The following DENND4A variants were observed in gnomAD, a reference collection of about 807,000 sequenced individuals.
DENND4A encodes the protein DENN domain containing 4A, also known as C-myc promoter-binding protein.
Under a neutral mutation model 199.3 loss-of-function variants are expected in DENND4A, and 70 were observed. That is an observed-to-expected ratio of 0.35 (90% CI 0.29 to 0.43). DENND4A has a LOEUF of 0.43. Ranked by LOEUF, DENND4A falls within the 20% of genes least tolerant of loss-of-function variation. DENND4A has a pLI of 1.00. For missense variants in DENND4A, 1,723 were observed against 2,255.8 expected (o/e 0.76, Z 4.78); for synonymous variants, 686 against 766.9 (o/e 0.89, Z 1.74).
intron 12 of DENND4A, among the ~76,000 whole-genome samples, chr15:65,722,358 C>T (rs2075673186): frequency 6.6e-6 from 1 of 152,012 alleles, no homozygotes; most frequent in Non-Finnish European, 1.5e-5. Context: ...GTCCCAGCTA[C>T]TCAAGAGGCT....
chr15:65,661,764 TGAA>T lies in DENND4A; in HGVS notation c.*84_*86del, dbSNP rs1250173629. The T allele has an allele frequency of 4.2e-6, 5 of 1,203,990 alleles. No individual in the cohort carries two copies. The African/African-American group carries it at 7.7e-5, about 18-fold the overall frequency. 74.6% of individuals were successfully genotyped at this position (1,203,990 alleles called of 1,614,324 possible). A position where few individuals can be genotyped will look rare whatever the true frequency, so the allele number is the denominator to read the frequency against. ...ATTTACAAATTGTATTTTCAAAAAT[TGAA>T]GAAAAAATATTTAGAGTCTAAAAGT... On this transcript the variant is annotated 3_prime_UTR_variant, in exon 33 of 33. Coordinates refer to ENST00000443035, the MANE Select transcript of DENND4A (RefSeq NM_001320835.1).
At chr15:65,779,623 C>T (rs914943875) in intron 1 of DENND4A, among the ~76,000 whole-genome samples, 1 of 150,698 alleles carries the variant, frequency 6.6e-6, no homozygotes, top group Non-Finnish European at 1.5e-5. Flanking sequence ...TACAGGGGAA[C>T]ACTACCATGC....
Position 65,726,105 on chromosome 15 carries a change from G to A in DENND4A, c.1487+2967C>T, listed in dbSNP as rs1238213817. 3.9e-5 allele frequency: 6 copies of A among 151,980 alleles called. No individual in the cohort carries two copies. In the East Asian group the frequency reaches 1.2e-3, roughly 29 times the overall value. The allele number at this position is 151,980 out of a possible 1,614,324, so 9.4% of individuals were successfully genotyped here. On this transcript the variant is annotated intron_variant, in intron 11 of 32. Coordinates refer to ENST00000443035, the MANE Select transcript of DENND4A (RefSeq NM_001320835.1). ...AGAGCTCAGACCTCAGCAACTTCAAGAAAGAAAGAAAAAATAGTAAGTAGG... is the reference window on the plus strand; with the variant it reads ...AGAGCTCAGACCTCAGCAACTTCAAAAAAGAAAGAAAAAATAGTAAGTAGG...
At chr15:65,765,398 C>T (rs2076958155) in intron 1 of DENND4A, among the ~76,000 whole-genome samples, 1 of 152,174 alleles carries the variant, frequency 6.6e-6, no homozygotes, top group South Asian at 2.1e-4. Context: ...TTAACACAGA[C>T]TTCTTTAAAT....
chr15:65,778,452 T>TAAAA (rs565036538), intron 1 of DENND4A, among the ~76,000 whole-genome samples: 28 of 89,650 alleles, frequency 3.1e-4, no homozygotes, highest in African/African-American at 1.0e-3. Context: ...TACAGTGACC[T>TAAAA]AAAAAAAAAA....
Position 65,717,929 on chromosome 15 carries a change from T to C in DENND4A, c.1656A>G (p.Gly552=). 1 of 1,609,860 alleles carries C rather than the reference T, an allele frequency of 6.2e-7. No individual in the cohort carries two copies. The highest frequency in any genetic ancestry group is 1.1e-5 in the South Asian group (1 of 90,180). ...LAINDYDFNS[G]KRLHMIDLEI... ...CCAAATCTATCATGTGCAACCTCTT[T>C]CCAGAATTAAAATCATAGTCATTTA... The change falls in exon 13 of 33, where the codon GGA becomes GGG. Residue 552 remains glycine, a synonymous_variant. Transcript: ENST00000443035.
chr15:65,725,136 T>G (rs1403660580), intron 11 of DENND4A, among the ~76,000 whole-genome samples: 1 of 152,232 alleles, frequency 6.6e-6, no homozygotes, highest in Non-Finnish European at 1.5e-5. Context: ...TATGATCATC[T>G]TCTTATAAAA....
chr15:65,745,656 A>G (rs1367882559), intron 4 of DENND4A, among the ~76,000 whole-genome samples: 1 of 152,196 alleles, frequency 6.6e-6, no homozygotes, highest in East Asian at 1.9e-4. Context: ...CTACTTCCCA[A>G]TAAATCCAAT....
At chr15:65,665,213 G>C (rs2075995833) in intron 30 of DENND4A, 132 bp downstream of exon 30, 3 of 622,856 alleles carry the variant, frequency 4.8e-6, no homozygotes, top group African/African-American at 3.8e-5. Flanking sequence ...AAACAAAAGA[G>C]TACGACTTTG....
At chr15:65,686,862 A>C (rs1180980170) in intron 23 of DENND4A, among the ~76,000 whole-genome samples, 1 of 151,610 alleles carries the variant, frequency 6.6e-6, no homozygotes, top group Admixed American at 6.6e-5. Context: ...CAGCTAGTTA[A>C]AATTAAAAAA....
At chr15:65,725,395 G>C (rs530593376) in intron 11 of DENND4A, among the ~76,000 whole-genome samples, 1 of 152,084 alleles carries the variant, frequency 6.6e-6, no homozygotes, top group African/African-American at 2.4e-5. Context: ...GAACTACCTC[G>C]GCTGGGCGCG....
chr15:65,731,840 T>G (rs941345862), intron 8 of DENND4A, 140 bp from the exon 9 acceptor site: 1 of 575,868 alleles, frequency 1.7e-6, no homozygotes, highest in African/African-American at 1.9e-5. Flanking sequence ...ACACTTTGTA[T>G]CACTCACTAA....
At chr15:65,759,606 C>T (rs144479504) in intron 2 of DENND4A, among the ~76,000 whole-genome samples, 1 of 152,270 alleles carries the variant, frequency 6.6e-6, no homozygotes, top group African/African-American at 2.4e-5. Context: ...AAGGGCTTAA[C>T]CTTTTCAGAA....
intron 3 of DENND4A, among the ~76,000 whole-genome samples, chr15:65,755,792 T>C (rs544097905): frequency 2.0e-5 from 3 of 152,264 alleles, no homozygotes; most frequent in African/African-American, 7.2e-5. Context: ...CCATCTATAC[T>C]GATCATTATA....
intron 4 of DENND4A, 95 bp downstream of exon 4, chr15:65,752,280 CCAAA>C (rs2076585352): frequency 2.3e-6 from 1 of 443,196 alleles, no homozygotes; most frequent in Non-Finnish European, 2.9e-6. Context: ...ATGCTGTTTT[CCAAA>C]AAAAAAAAAA....
At position 65,790,677 on chromosome 15, in the gene DENND4A, A is replaced by G. The variant is rs185876060; in HGVS notation, c.-102+1333T>C. On this transcript the variant is annotated intron_variant, in intron 1 of 32. Coordinates refer to ENST00000443035, the MANE Select transcript of DENND4A (RefSeq NM_001320835.1). ...CCGAAAATGTTTAATTCTGCCCAAA[A>G]CAGTTTCCAAAAAAGAAGCCAAATA... Among the ~76,000 whole-genome samples the G allele has an allele frequency of 3.8e-3, 573 of 152,306 alleles. 3 individuals carry two copies. Among genetic ancestry groups the G allele is most frequent in the Non-Finnish European group, 6.8e-3 (464 of 68,034 alleles).
intron 15 of DENND4A, among the ~76,000 whole-genome samples, chr15:65,705,120 T>TA (rs1357828124): frequency 1.3e-5 from 2 of 152,146 alleles, no homozygotes; most frequent in African/African-American, 4.8e-5. Flanking sequence ...TAAAAAGTGA[T>TA]ACAAACATCA....
At chr15:65,676,101 T>C (rs2076365720) in intron 24 of DENND4A, among the ~76,000 whole-genome samples, 1 of 143,762 alleles carries the variant, frequency 7.0e-6, no homozygotes, top group South Asian at 2.3e-4. Context: ...ATTGACAGTA[T>C]GTTACCTTTG....
At chr15:65,752,668 T>A in intron 3 of DENND4A, 40 bp from the exon 4 acceptor site, 1 of 1,285,252 alleles carries the variant, frequency 7.8e-7, no homozygotes, top group Non-Finnish European at 1.1e-6. Context: ...CAAAGCACTT[T>A]AAATATGAAA....
Sources: gnomAD v4.1 joint callset for allele counts (sites outside exome capture counted in the v4.1 genomes callset) on GRCh38, gnomAD v4.1.1 for gene constraint, MANE v1.5 for transcripts, NCBI Gene and HGNC (gene_info 2026-07-23, HGNC 2026-07-21) for gene names.